Variants in PLPPR4 observed in about 807,000 individuals in gnomAD.
PLPPR4 encodes the protein phospholipid phosphatase-related protein type 4.
A neutral mutation model predicts 56.6 loss-of-function variants in PLPPR4; 24 were observed. That is an observed-to-expected ratio of 0.42 (90% CI 0.31 to 0.60). PLPPR4 has a LOEUF of 0.60. Ranked by LOEUF, PLPPR4 falls within the 20% of genes least tolerant of loss-of-function variation. The pLI is 0.13. For missense variants in PLPPR4, 654 were observed against 885.8 expected (o/e 0.74, Z 3.32); for synonymous variants, 326 against 328.1 (o/e 0.99, Z 0.07).
At position 99,289,363 on chromosome 1, in the gene PLPPR4, T is replaced by C. The variant is rs1259886104; in HGVS notation, c.264+1213T>C. On this transcript the variant is annotated intron_variant, in intron 2 of 6. Coordinates refer to ENST00000370185, the MANE Select transcript of PLPPR4 (RefSeq NM_014839.5). ...TTTTTAATTCCCCAATATTAAATAA[T>C]TATAATATGCTGTTTACAATTTAAA... 2.0e-5 allele frequency among the ~76,000 whole-genome samples: 3 copies of C among 152,140 alleles called. No homozygotes were observed. The East Asian group carries it at 5.8e-4, about 29-fold the overall frequency.
chr1:99,283,277 G>C (rs979981969), intron 1 of PLPPR4, among the ~76,000 whole-genome samples: 3 of 152,108 alleles, frequency 2.0e-5, no homozygotes, highest in Non-Finnish European at 4.4e-5. Flanking sequence ...GAATGGAACT[G>C]ATCTGTATTG....
At chr1:99,292,664 A>G (rs1255282354) in intron 2 of PLPPR4, among the ~76,000 whole-genome samples, 2 of 152,166 alleles carry the variant, frequency 1.3e-5, no homozygotes, top group Admixed American at 1.3e-4. Flanking sequence ...CACTGGTTTT[A>G]TAGGTTTTAG....
At chr1:99,293,304 T>G (rs1570918935) in intron 2 of PLPPR4, among the ~76,000 whole-genome samples, 4 of 152,318 alleles carry the variant, frequency 2.6e-5, no homozygotes, top group Admixed American at 2.6e-4. Context: ...CTTGTCTTTG[T>G]GATGTTATAC....
chr1:99,298,339 A>G (rs1407178564), intron 3 of PLPPR4, among the ~76,000 whole-genome samples: 1 of 152,162 alleles, frequency 6.6e-6, no homozygotes, highest in Non-Finnish European at 1.5e-5. Flanking sequence ...AACAACTTCA[A>G]GCAGGCATGG....
intron 6 of PLPPR4, among the ~76,000 whole-genome samples, chr1:99,302,498 G>T (rs78573000): frequency 8.0e-6 from 1 of 124,236 alleles, no homozygotes; most frequent in Admixed American, 8.4e-5. Context: ...GAAATGAGAT[G>T]TATTCTTTTT....
chr1:99,300,802 G>T, intron 4 of PLPPR4, 107 bp from the exon 5 acceptor site: 1 of 806,748 alleles, frequency 1.2e-6, no homozygotes, highest in Non-Finnish European at 2.1e-6. Context: ...ATTGCTTATT[G>T]CCTTGTGACT....
At chr1:99,273,403 T>C (rs1197721092) in intron 1 of PLPPR4, among the ~76,000 whole-genome samples, 2 of 152,084 alleles carry the variant, frequency 1.3e-5, no homozygotes, top group African/African-American at 2.4e-5. Flanking sequence ...AGAAGAATGA[T>C]GTTTGGGAGT....
chr1:99,284,609 T>C (rs981394044), intron 1 of PLPPR4, among the ~76,000 whole-genome samples: 1 of 151,504 alleles, frequency 6.6e-6, no homozygotes, highest in Non-Finnish European at 1.5e-5. Context: ...GGAAAACAAA[T>C]GAAGGTTTTA....
At position 99,307,918 on chromosome 1, in the gene PLPPR4, T is replaced by G. The variant is rs1483864596; in HGVS notation, c.*908T>G. On this transcript the variant is annotated 3_prime_UTR_variant, in exon 7 of 7. Coordinates refer to ENST00000370185, the MANE Select transcript of PLPPR4 (RefSeq NM_014839.5). ...TAACTTATTGATTAATTTTTTGAAGTTATAGATATGTTCTCCTATTTTAAA... is the reference window on the plus strand; with the variant it reads ...TAACTTATTGATTAATTTTTTGAAGGTATAGATATGTTCTCCTATTTTAAA... The G allele has an allele frequency of 6.6e-6, 1 of 152,220 alleles. No individual in the cohort carries two copies. Among genetic ancestry groups the G allele is most frequent in the Non-Finnish European group, 1.5e-5 (1 of 68,036 alleles). 9.4% of individuals were successfully genotyped at this position (152,220 alleles called of 1,614,324 possible).
upstream of PLPPR4, among the ~76,000 whole-genome samples, chr1:99,263,315 G>C (rs758258197): frequency 6.6e-6 from 1 of 152,174 alleles, no homozygotes; most frequent in African/African-American, 2.4e-5. Context: ...GCGGAAACAA[G>C]CAATTATATT....
chr1:99,285,982 T>C (rs1659453693), intron 1 of PLPPR4, among the ~76,000 whole-genome samples: 1 of 152,178 alleles, frequency 6.6e-6, no homozygotes, highest in Non-Finnish European at 1.5e-5. Context: ...CTATCTCTTA[T>C]TCACTATATT....
At chr1:99,264,320 G>A, upstream of PLPPR4, 6 of 737,026 alleles carry the variant, frequency 8.1e-6, no homozygotes, top group Non-Finnish European at 1.3e-5. Context: ...GCTTGGAGGA[G>A]GGAGCTGGAC....
intron 1 of PLPPR4, among the ~76,000 whole-genome samples, chr1:99,276,424 T>G (rs977054188): frequency 1.3e-5 from 2 of 152,150 alleles, no homozygotes; most frequent in Non-Finnish European, 2.9e-5. Flanking sequence ...GTAAAATGGT[T>G]TAATAATAAA....
At chr1:99,286,931 A>G (rs1477588475) in intron 1 of PLPPR4, among the ~76,000 whole-genome samples, 2 of 152,128 alleles carry the variant, frequency 1.3e-5, no homozygotes, top group Non-Finnish European at 2.9e-5. Flanking sequence ...TATTTCTTCT[A>G]AAATAAAAGG....
chr1:99,266,953 G>C (rs889497347), intron 1 of PLPPR4, among the ~76,000 whole-genome samples: 36 of 152,218 alleles, frequency 2.4e-4, no homozygotes, highest in African/African-American at 8.4e-4. Context: ...TTGCATGTTA[G>C]TAAAATGCTC....
At chr1:99,271,853 A>G (rs1224017328) in intron 1 of PLPPR4, among the ~76,000 whole-genome samples, 1 of 151,418 alleles carries the variant, frequency 6.6e-6, no homozygotes, top group Non-Finnish European at 1.5e-5. Context: ...GGTCAAGTCA[A>G]GCAGGATTAG....
At chr1:99,275,991 C>G (rs551218563) in intron 1 of PLPPR4, among the ~76,000 whole-genome samples, 1 of 152,208 alleles carries the variant, frequency 6.6e-6, no homozygotes, top group East Asian at 1.9e-4. Flanking sequence ...TAACACAATC[C>G]TACTTACTTT....
intron 6 of PLPPR4, among the ~76,000 whole-genome samples, chr1:99,305,229 G>T (rs149208926): frequency 2.2e-4 from 34 of 152,020 alleles, no homozygotes; most frequent in Non-Finnish European, 4.7e-4. Context: ...TTTTATAAAT[G>T]ATATATTGTT....
intron 4 of PLPPR4, among the ~76,000 whole-genome samples, chr1:99,299,956 A>G (rs1372365073): frequency 6.6e-6 from 1 of 152,074 alleles, no homozygotes; most frequent in Non-Finnish European, 1.5e-5. Context: ...AAAGAATTGA[A>G]TTTTCCATTC....
Sources: allele counts gnomAD v4.1 joint callset (sites outside exome capture counted in the v4.1 genomes callset), GRCh38; gene constraint gnomAD v4.1.1; transcripts MANE v1.5; gene names NCBI Gene and HGNC (gene_info 2026-07-23, HGNC 2026-07-21).